The following CYP19A1 variants were observed in gnomAD, a reference collection of about 807,000 sequenced individuals.
CYP19A1 encodes aromatase.
Under a neutral mutation model 44.4 loss-of-function variants are expected in CYP19A1, and 32 were observed. The observed-to-expected ratio is 0.72, with a 90% CI of 0.54 to 0.97. The LOEUF is 0.97. Ranked by LOEUF, CYP19A1 falls within the 50% of genes least tolerant of loss-of-function variation. The pLI, the probability that CYP19A1 is intolerant of heterozygous loss-of-function variation, is 0.00. For synonymous variants in CYP19A1, 212 were observed against 215.6 expected, an observed-to-expected ratio of 0.98 and a Z score of 0.14; for missense variants, 598 against 637.8, an observed-to-expected ratio of 0.94 and a Z score of 0.67.
chr15:51,229,712 A>G (rs1436857803), intron 3 of CYP19A1, among the ~76,000 whole-genome samples: 1 of 152,142 alleles, frequency 6.6e-6, no homozygotes, highest in African/African-American at 2.4e-5. Context: ...CTCTAGCTTT[A>G]CTTACCTTCC....
chr15:51,241,388 C>T (rs1400167463), intron 2 of CYP19A1, among the ~76,000 whole-genome samples: 1 of 152,234 alleles, frequency 6.6e-6, no homozygotes, highest in Non-Finnish European at 1.5e-5. Flanking sequence ...GGTGTTCTTA[C>T]ATAGACTTAA....
rs549769371 is a variant in CYP19A1 at position 51,248,292 on chromosome 15, C to T, written c.-38-5342G>A. On this transcript the variant is annotated intron_variant, in intron 1 of 9. Coordinates refer to ENST00000396402, the MANE Select transcript of CYP19A1 (RefSeq NM_000103.4). ...CCAGTGGAGACTCCAGCCCATTTGC[C>T]GCCATTACTTAGTATCTGAACCAAC... Among the ~76,000 whole-genome samples, 15 of 152,296 alleles carry T rather than the reference C, an allele frequency of 9.8e-5. No individual in the cohort carries two copies. The East Asian group carries it at 2.7e-3, about 27-fold the overall frequency.
chr15:51,274,660 T>C (rs2035240731), intron 1 of CYP19A1, among the ~76,000 whole-genome samples: 1 of 152,230 alleles, frequency 6.6e-6, no homozygotes, highest in Admixed American at 6.5e-5. Flanking sequence ...TTAGGCACGA[T>C]GCTCCAGGTG....
At chr15:51,212,650 G>C (rs1003868670) in intron 8 of CYP19A1, 89 bp from the exon 9 acceptor site, 4 of 904,784 alleles carry the variant, frequency 4.4e-6, no homozygotes, top group Admixed American at 3.6e-5. Context: ...CCACAGAACC[G>C]TTTGCTCTTG....
chr15:51,258,810 T>G (rs1027976125), intron 1 of CYP19A1, among the ~76,000 whole-genome samples: 1 of 152,250 alleles, frequency 6.6e-6, no homozygotes, highest in Non-Finnish European at 1.5e-5. Flanking sequence ...TAGAGAAGAC[T>G]TTTCTTTTTA....
At chr15:51,259,134 C>A (rs1214106304) in intron 1 of CYP19A1, among the ~76,000 whole-genome samples, 2 of 152,162 alleles carry the variant, frequency 1.3e-5, no homozygotes. Context: ...TTACAGGAGA[C>A]AACAAGTAGG....
chr15:51,306,086 A>G (rs892124398), intron 1 of CYP19A1, among the ~76,000 whole-genome samples: 1 of 152,144 alleles, frequency 6.6e-6, no homozygotes, highest in Non-Finnish European at 1.5e-5. Context: ...GGAGAGCAGC[A>G]CTTGAATCCC....
chr15:51,228,570 A>C (rs1470172691), intron 3 of CYP19A1, among the ~76,000 whole-genome samples: 1 of 152,180 alleles, frequency 6.6e-6, no homozygotes, highest in Non-Finnish European at 1.5e-5. Context: ...TGCAAAGTTC[A>C]CTGTGGTAGT....
chr15:51,232,358 T>C (rs74013175), intron 3 of CYP19A1, among the ~76,000 whole-genome samples: 1,782 of 152,328 alleles, frequency 0.012, 43 homozygotes, highest in African/African-American at 0.042. Context: ...CTCCCTGATA[T>C]GGATTTTTCA....
At chr15:51,283,952 C>T (rs537231248) in intron 1 of CYP19A1, among the ~76,000 whole-genome samples, 6 of 152,312 alleles carry the variant, frequency 3.9e-5, no homozygotes, top group East Asian at 3.9e-4. Flanking sequence ...AAGGTCCCTA[C>T]GGGAGTTAGA....
At chr15:51,329,396 G>C (rs926125693) in intron 1 of CYP19A1, among the ~76,000 whole-genome samples, 2 of 152,172 alleles carry the variant, frequency 1.3e-5, no homozygotes, top group Non-Finnish European at 2.9e-5. Flanking sequence ...CTGCCCCCAG[G>C]ATTTCCACCC....
At chr15:51,261,547 G>A (rs1044661056) in intron 1 of CYP19A1, among the ~76,000 whole-genome samples, 2 of 152,236 alleles carry the variant, frequency 1.3e-5, no homozygotes, top group African/African-American at 4.8e-5. Flanking sequence ...AAGAAAGCAA[G>A]TGTGTTTCTT....
intron 3 of CYP19A1, among the ~76,000 whole-genome samples, chr15:51,233,356 C>G (rs1241488581): frequency 6.6e-6 from 1 of 152,200 alleles, no homozygotes; most frequent in African/African-American, 2.4e-5. Flanking sequence ...TACTGATACA[C>G]TATATATTTT....
intron 1 of CYP19A1, among the ~76,000 whole-genome samples, chr15:51,332,017 T>C (rs1241218009): frequency 6.6e-6 from 1 of 152,038 alleles, no homozygotes; most frequent in East Asian, 1.9e-4. Flanking sequence ...AATCTAATAG[T>C]CTCTTTTAAG....
chr15:51,272,466 C>T (rs545463210), intron 1 of CYP19A1, among the ~76,000 whole-genome samples: 27 of 152,296 alleles, frequency 1.8e-4, no homozygotes, highest in Admixed American at 1.2e-3. Context: ...TGGTGTTGGC[C>T]TCATTGGCAG....
At chr15:51,296,551 C>T (rs578027029) in intron 1 of CYP19A1, among the ~76,000 whole-genome samples, 20 of 152,140 alleles carry the variant, frequency 1.3e-4, no homozygotes, top group Non-Finnish European at 2.6e-4. Context: ...GCGGGAAACT[C>T]GCTAAAATTA....
At chr15:51,280,599 G>T (rs570840706) in intron 1 of CYP19A1, among the ~76,000 whole-genome samples, 2 of 152,304 alleles carry the variant, frequency 1.3e-5, no homozygotes, top group Admixed American at 6.5e-5. Flanking sequence ...TCCTTGGCAG[G>T]CTCCAGGTTC....
At chr15:51,267,009 C>A (rs2034944044) in intron 1 of CYP19A1, among the ~76,000 whole-genome samples, 1 of 152,218 alleles carries the variant, frequency 6.6e-6, no homozygotes, top group African/African-American at 2.4e-5. Flanking sequence ...GGGCAGTCTG[C>A]ATCCAGAAGA....
intron 1 of CYP19A1, among the ~76,000 whole-genome samples, chr15:51,277,720 C>CT (rs1476238989): frequency 6.6e-6 from 1 of 152,116 alleles, no homozygotes; most frequent in Non-Finnish European, 1.5e-5. Context: ...AAATGAAAAC[C>CT]TACAGAAATA....
Sources: allele counts gnomAD v4.1 joint callset (sites outside exome capture counted in the v4.1 genomes callset), GRCh38; gene constraint gnomAD v4.1.1; transcripts MANE v1.5; gene names NCBI Gene and HGNC (gene_info 2026-07-23, HGNC 2026-07-21).